Variants in ERG observed in about 807,000 individuals in gnomAD.
ERG encodes the protein transcriptional regulator ERG.
In ERG, 9 loss-of-function variants were observed where a neutral mutation model predicts 55.3. The observed-to-expected ratio is 0.16, with a 90% CI of 0.10 to 0.28. The LOEUF is 0.28. Among genes scored for constraint, ERG ranks in the 10% least tolerant of loss-of-function variants. The pLI, the probability that ERG is intolerant of heterozygous loss-of-function variation, is 1.00. For synonymous variants in ERG, 223 were observed against 237.3 expected (o/e 0.94, Z 0.55); for missense variants, 434 against 631.6 (o/e 0.69, Z 3.35).
chr21:38,501,890 C>A, upstream of ERG, among the ~76,000 whole-genome samples: 1 of 152,126 alleles, frequency 6.6e-6, no homozygotes, highest in East Asian at 1.9e-4. Flanking sequence ...ATAAATATAC[C>A]ATAAATTCAC....
Position 38,443,966 on chromosome 21 carries a change from A to G in ERG, c.236+1438T>C, listed in dbSNP as rs1156701567. 7.2e-5 allele frequency among the ~76,000 whole-genome samples: 11 copies of G among 152,152 alleles called. No homozygotes were observed. In the East Asian group the frequency reaches 2.1e-3, roughly 29 times the overall value. On this transcript the variant is annotated intron_variant, in intron 2 of 9. Coordinates refer to ENST00000288319, the MANE Select transcript of ERG (RefSeq NM_182918.4). ...TAGCATCAGAGCCAGTGCACTTTCAAGAAGCAGATGCACAGACGCAAACTG... is the reference window on the plus strand; with the variant it reads ...TAGCATCAGAGCCAGTGCACTTTCAGGAAGCAGATGCACAGACGCAAACTG...
intron 2 of ERG, among the ~76,000 whole-genome samples, chr21:38,568,766 C>T (rs2059938726): frequency 1.3e-5 from 2 of 152,104 alleles, no homozygotes; most frequent in Admixed American, 6.5e-5. Context: ...GGACAGAGGA[C>T]GTGTCGATGG....
Position 38,573,155 on chromosome 21 carries a change from T to A in ERG, c.-41+2507A>T, listed in dbSNP as rs1434015045. 2.0e-5 allele frequency among the ~76,000 whole-genome samples: 3 copies of A among 152,228 alleles called. No individual in the cohort carries two copies. In the East Asian group the frequency reaches 5.8e-4, roughly 29 times the overall value. ...AGTCATCGCCATTCTCTAGCCTCAA[T>A]AAACCAGGGGCACAATGCACTGCGG... is the stretch of plus-strand genomic sequence containing the variant. On this transcript the variant is annotated intron_variant, in intron 2 of 8. Transcript: ENST00000398897.
intron 6 of ERG, among the ~76,000 whole-genome samples, chr21:38,394,421 C>T (rs965306087): frequency 6.6e-6 from 1 of 151,560 alleles, no homozygotes; most frequent in Non-Finnish European, 1.5e-5. Flanking sequence ...GGCGCGATCT[C>T]GGCTCACTGC....
chr21:38,551,828 G>A (rs546087815), intron 2 of ERG, among the ~76,000 whole-genome samples: 1 of 152,258 alleles, frequency 6.6e-6, no homozygotes, highest in Non-Finnish European at 1.5e-5. Flanking sequence ...GTTGTTGGGT[G>A]CAGTGTTCTG....
intron 1 of ERG, among the ~76,000 whole-genome samples, chr21:38,649,388 C>T (rs1487435020): frequency 6.6e-6 from 1 of 152,178 alleles, no homozygotes; most frequent in Non-Finnish European, 1.5e-5. Context: ...CCAACCCTTC[C>T]CTGCGAGCCA....
intron 2 of ERG, among the ~76,000 whole-genome samples, chr21:38,433,598 C>T (rs778422548): frequency 6.6e-6 from 1 of 151,440 alleles, no homozygotes; most frequent in Non-Finnish European, 1.5e-5. Context: ...AAAGAACCCG[C>T]AATGAAATGG....
At position 38,498,287 on chromosome 21, in the gene ERG, T is replaced by G; in HGVS notation, c.18+76A>C. The G allele has an allele frequency of 7.5e-7, 1 of 1,330,578 alleles. No individual in the cohort carries two copies. The highest frequency in any genetic ancestry group is 1.7e-5 in the Admixed American group (1 of 57,880). 82.4% of individuals were successfully genotyped at this position (1,330,578 alleles called of 1,614,324 possible). ...GGGTGTTGCCCAACCCTAACTTATCTGCCTTGATAAAGGAAACCAAAGAAA... is the reference window on the plus strand; with the variant it reads ...GGGTGTTGCCCAACCCTAACTTATCGGCCTTGATAAAGGAAACCAAAGAAA... On this transcript the variant is annotated intron_variant, in intron 1 of 9. Coordinates refer to ENST00000288319, the MANE Select transcript of ERG (RefSeq NM_182918.4). The surrounding 1 kb of genome is among the most constrained non-coding windows in gnomAD (Gnocchi z 4.6).
chr21:38,600,377 G>A (rs989107426), intron 1 of ERG, among the ~76,000 whole-genome samples: 1 of 152,172 alleles, frequency 6.6e-6, no homozygotes, highest in African/African-American at 2.4e-5. Context: ...TTCCTTCAAG[G>A]TGGGATGGGT....
intron 2 of ERG, among the ~76,000 whole-genome samples, chr21:38,547,649 T>C (rs573005498): frequency 3.9e-5 from 6 of 152,376 alleles, no homozygotes; most frequent in African/African-American, 1.2e-4. Flanking sequence ...GTTTTGCTGT[T>C]TATGTTGTAG....
intron 1 of ERG, among the ~76,000 whole-genome samples, chr21:38,481,185 C>A (rs982355707): frequency 1.3e-5 from 2 of 152,122 alleles, no homozygotes; most frequent in Admixed American, 6.6e-5. Flanking sequence ...TATTTGACTC[C>A]TTAAAAACTA....
At chr21:38,369,392 A>G in the ERG span, among the ~76,000 whole-genome samples, 1 of 152,184 alleles carries the variant, frequency 6.6e-6, no homozygotes, top group Non-Finnish European at 1.5e-5. Flanking sequence ...TTTTTCAAAT[A>G]ATTGTTGGCC....
intron 1 of ERG, among the ~76,000 whole-genome samples, chr21:38,459,576 C>A (rs1012332314): frequency 1.5e-4 from 23 of 152,292 alleles, no homozygotes; most frequent in African/African-American, 5.5e-4. Context: ...ATTTTAATCA[C>A]CCCCTAAACT....
At position 38,400,683 on chromosome 21, in the gene ERG, T is replaced by C. The variant is rs749395088; in HGVS notation, c.674-38A>G. 6 of 1,510,454 alleles carry C rather than the reference T, an allele frequency of 4.0e-6. No homozygotes were observed. The African/African-American group carries it at 5.5e-5, about 14-fold the overall frequency. The allele number at this position is 1,510,454 out of a possible 1,614,324, so 93.6% of individuals were successfully genotyped here. A position where few individuals can be genotyped will look rare whatever the true frequency, so the allele number is the denominator to read the frequency against. Reference sequence around the variant, plus strand: ...GGAAAGACAAACATGTGAAGGTCTTTTGTTGTGGTTGTCGATCTCAACATC... The same window carrying C: ...GGAAAGACAAACATGTGAAGGTCTTCTGTTGTGGTTGTCGATCTCAACATC... On this transcript the variant is annotated intron_variant, in intron 5 of 9. Transcript: ENST00000288319.
chr21:38,458,260 C>T (rs950146431), intron 1 of ERG, among the ~76,000 whole-genome samples: 1 of 152,058 alleles, frequency 6.6e-6, no homozygotes, highest in Non-Finnish European at 1.5e-5. Context: ...TCTGTCTCTA[C>T]TAAAAATACA....
At chr21:38,495,945 T>C (rs948019281) in intron 1 of ERG, among the ~76,000 whole-genome samples, 9 of 152,216 alleles carry the variant, frequency 5.9e-5, no homozygotes, top group South Asian at 2.1e-4. Flanking sequence ...AATCAGTGAA[T>C]TGTCTGCAAA....
In ERG at chr21:38,382,035, T is replaced by C; in HGVS notation, c.*1368A>G. ...TGCAGACTCCTGTATAAATCTGATT[T>C]GCCATGCTAGGCCAAGCTTATTTTA... is the stretch of plus-strand genomic sequence containing the variant. On this transcript the variant is annotated 3_prime_UTR_variant, in exon 10 of 10. Transcript: ENST00000288319. The C allele has an allele frequency of 9.4e-7, 1 of 1,059,922 alleles. No homozygotes were observed. Among genetic ancestry groups the C allele is most frequent in the East Asian group, 5.2e-5 (1 of 19,266 alleles). The allele number at this position is 1,059,922 out of a possible 1,614,324, so 65.7% of individuals were successfully genotyped here.
chr21:38,580,112 G>A (rs1239272512), intron 1 of ERG, among the ~76,000 whole-genome samples: 1 of 150,672 alleles, frequency 6.6e-6, no homozygotes, highest in South Asian at 2.1e-4. Context: ...GAGCCACCAC[G>A]CCCGGCTAAT....
chr21:38,423,558 G>C lies in ERG; in HGVS notation c.240C>G (p.Asn80Lys), dbSNP rs377622362. The C allele has an allele frequency of 1.9e-6, 3 of 1,605,970 alleles. No homozygotes were observed. The change falls in exon 3 of 10, where the codon AAC (asparagine) becomes AAG (lysine). Residue 80 changes from asparagine to lysine, a missense_variant. By Grantham distance (94) the Asn-to-Lys change is moderately conservative. Transcript: ENST00000288319. ...CNPSQVNGSR[N>K]SPDECSVAKG... ...TGGCCACACTGCATTCATCAGGAGAGTTCCTGGAGGAGAAGAAATATTCTT... is the reference window on the plus strand; with the variant it reads ...TGGCCACACTGCATTCATCAGGAGACTTCCTGGAGGAGAAGAAATATTCTT...
Sources: allele counts gnomAD v4.1 joint callset (sites outside exome capture counted in the v4.1 genomes callset), GRCh38; gene constraint gnomAD v4.1.1; non-coding constraint Gnocchi (gnomAD v3.1); transcripts MANE v1.5; gene names NCBI Gene and HGNC (gene_info 2026-07-23, HGNC 2026-07-21).